RIT2: variants seen among roughly 807,000 people sequenced by gnomAD.
The protein encoded by RIT2 is Ras like without CAAX 2.
RIT2 carries 24 observed loss-of-function variants against 23.7 expected under a neutral mutation model. The ratio of observed to expected loss-of-function variants is 1.01; its 90% CI spans 0.73 to 1.43. The LOEUF (loss-of-function observed/expected upper bound fraction) is 1.43, where lower values mean the gene tolerates loss of function less well. Ranked by LOEUF, RIT2 falls within the 40% of genes most tolerant of loss-of-function variation. RIT2 has a pLI of 0.00. For synonymous variants in RIT2, 107 were observed against 91.1 expected (o/e 1.17, Z -0.99); for missense variants, 236 against 266.9 (o/e 0.88, Z 0.81).
At chr18:42,987,218 G>A (rs955903512) in intron 2 of RIT2, among the ~76,000 whole-genome samples, 3 of 152,110 alleles carry the variant, frequency 2.0e-5, no homozygotes, top group African/African-American at 7.2e-5. Flanking sequence ...TGGTCTCATG[G>A]CAAGTGGGTG....
chr18:42,997,248 G>GTTCT (rs1911006023), intron 2 of RIT2, among the ~76,000 whole-genome samples: 1 of 152,070 alleles, frequency 6.6e-6, no homozygotes, highest in Non-Finnish European at 1.5e-5. Flanking sequence ...TGTGGTTAGG[G>GTTCT]GCTATCAGCA....
chr18:43,007,100 C>T (rs896366680), intron 2 of RIT2, among the ~76,000 whole-genome samples: 8 of 151,454 alleles, frequency 5.3e-5, no homozygotes, highest in African/African-American at 1.9e-4. Flanking sequence ...AGATAATAAA[C>T]AATTATCAAC....
At chr18:42,994,137 T>G (rs1342851083) in intron 2 of RIT2, among the ~76,000 whole-genome samples, 1 of 152,126 alleles carries the variant, frequency 6.6e-6, no homozygotes, top group Non-Finnish European at 1.5e-5. Flanking sequence ...AAACATGCTT[T>G]CTTTACTATT....
rs890406662 is a variant in RIT2 at position 43,102,997 on chromosome 18, A to G, written c.103+12420T>C. Among the ~76,000 whole-genome samples the G allele has an allele frequency of 7.9e-5, 12 of 152,114 alleles. 2 individuals carry two copies. The highest frequency in any genetic ancestry group is 7.9e-4 in the Admixed American group (12 of 15,252). ...TCTTAATTGTTTGTGACTATCTGCCATGTTTTGATGGACAAACTTCCTGTG... is the reference window on the plus strand; with the variant it reads ...TCTTAATTGTTTGTGACTATCTGCCGTGTTTTGATGGACAAACTTCCTGTG... On this transcript the variant is annotated intron_variant, in intron 1 of 4. Coordinates refer to ENST00000326695, the MANE Select transcript of RIT2 (RefSeq NM_002930.4).
chr18:42,855,464 A>C (rs1040034576), intron 4 of RIT2, among the ~76,000 whole-genome samples: 1 of 152,220 alleles, frequency 6.6e-6, no homozygotes, highest in African/African-American at 2.4e-5. Flanking sequence ...ATCACACAAT[A>C]AAATTCTGTG....
chr18:42,780,047 GTTTTTTTTTTTTTTTTT>G (rs71175923), intron 4 of RIT2, among the ~76,000 whole-genome samples: 1 of 59,568 alleles, frequency 1.7e-5, no homozygotes, highest in Admixed American at 3.0e-4. Flanking sequence ...CAATTTAGAG[GTTTTTTTTTTTTTTTTT>G]TTTTTTTTTT....
intron 3 of RIT2, among the ~76,000 whole-genome samples, chr18:42,957,470 T>C (rs1296142763): frequency 6.6e-6 from 1 of 152,172 alleles, no homozygotes; most frequent in African/African-American, 2.4e-5. Context: ...GACTTGCTTC[T>C]CACAGTATTT....
At chr18:42,954,911 A>C (rs1463494638) in intron 3 of RIT2, among the ~76,000 whole-genome samples, 1 of 152,152 alleles carries the variant, frequency 6.6e-6, no homozygotes, top group African/African-American at 2.4e-5. Flanking sequence ...GGTCACAATA[A>C]CTGAGAAAGC....
chr18:43,018,999 A>G (rs1911536584), intron 2 of RIT2, among the ~76,000 whole-genome samples: 1 of 152,078 alleles, frequency 6.6e-6, no homozygotes, highest in African/African-American at 2.4e-5. Flanking sequence ...ATACAAAACA[A>G]CCAGAAAACA....
intron 3 of RIT2, among the ~76,000 whole-genome samples, chr18:42,962,220 T>C (rs529375324): frequency 7.2e-5 from 11 of 152,364 alleles, no homozygotes; most frequent in Admixed American, 7.2e-4. Context: ...AAGTTGCATA[T>C]CTGCAAATAA....
chr18:43,050,649 C>G (rs1912358441), intron 1 of RIT2, among the ~76,000 whole-genome samples: 2 of 152,046 alleles, frequency 1.3e-5, no homozygotes, highest in African/African-American at 4.8e-5. Flanking sequence ...CCATCTGCCC[C>G]AAAGCAGGAC....
At chr18:43,091,659 A>G (rs936159348) in intron 1 of RIT2, among the ~76,000 whole-genome samples, 1 of 152,062 alleles carries the variant, frequency 6.6e-6, no homozygotes, top group African/African-American at 2.4e-5. Flanking sequence ...TCCGGAAATT[A>G]AAACAAAATT....
At chr18:42,924,867 G>A (rs1370428095) in intron 3 of RIT2, among the ~76,000 whole-genome samples, 1 of 152,064 alleles carries the variant, frequency 6.6e-6, no homozygotes, top group Non-Finnish European at 1.5e-5. Flanking sequence ...TGTAGATCCA[G>A]GAACTTTGGA....
intron 2 of RIT2, among the ~76,000 whole-genome samples, chr18:43,015,077 T>C (rs1911441136): frequency 6.6e-6 from 1 of 151,718 alleles, no homozygotes; most frequent in Non-Finnish European, 1.5e-5. Flanking sequence ...ATAAAGAACA[T>C]GGTTGTGGGT....
At chr18:43,044,541 C>G (rs955220530) in intron 1 of RIT2, among the ~76,000 whole-genome samples, 1 of 152,134 alleles carries the variant, frequency 6.6e-6, no homozygotes, top group Non-Finnish European at 1.5e-5. Context: ...TTTCTTAGAA[C>G]AAATCCATCA....
In RIT2 at chr18:43,110,825, G is replaced by A. The variant is rs189932963; in HGVS notation, c.103+4592C>T. Among the ~76,000 whole-genome samples, 272 of 151,910 alleles carry A rather than the reference G, an allele frequency of 1.8e-3. 1 individual carries two copies. Among genetic ancestry groups the A allele is most frequent in the African/African-American group, 5.9e-3 (243 of 41,414 alleles). ...GTGTTGTTTCTTAAGTAGTTTTCTC[G>A]TCATGAGTCTTATTTTTAAAATAAA... On this transcript the variant is annotated intron_variant, in intron 1 of 4. Transcript: ENST00000326695.
chr18:42,868,216 A>G (rs2144059232), intron 4 of RIT2, among the ~76,000 whole-genome samples: 1 of 152,350 alleles, frequency 6.6e-6, no homozygotes, highest in African/African-American at 2.4e-5. Context: ...CTGTGAATTC[A>G]TGCACATTGA....
intron 4 of RIT2, among the ~76,000 whole-genome samples, chr18:42,915,127 C>T (rs1007021482): frequency 6.8e-6 from 1 of 147,726 alleles, no homozygotes; most frequent in Admixed American, 7.0e-5. Flanking sequence ...TTATCTAATG[C>T]ACCTACATCT....
At chr18:42,991,273 A>G (rs531227928) in intron 2 of RIT2, among the ~76,000 whole-genome samples, 74 of 152,300 alleles carry the variant, frequency 4.9e-4, no homozygotes, top group Non-Finnish European at 7.1e-4. Flanking sequence ...ATATAAGGAT[A>G]CTGGTGCCAT....
Sources: allele counts gnomAD v4.1 joint callset (sites outside exome capture counted in the v4.1 genomes callset), GRCh38; gene constraint gnomAD v4.1.1; transcripts MANE v1.5; gene names NCBI Gene and HGNC (gene_info 2026-07-23, HGNC 2026-07-21).